RNF187: variants seen among roughly 807,000 people sequenced by gnomAD.
RNF187 encodes E3 ubiquitin-protein ligase RNF187.
In RNF187, 18 loss-of-function variants were observed where a neutral mutation model predicts 22.2. That is an observed-to-expected ratio of 0.81 (90% confidence interval 0.56 to 1.20). The LOEUF (loss-of-function observed/expected upper bound fraction) is 1.20. Ranked by LOEUF, RNF187 falls within the 50% of genes most tolerant of loss-of-function variation. RNF187 has a pLI of 0.00. For synonymous variants in RNF187, 164 were observed against 140.9 expected (o/e 1.16, Z -1.16); for missense variants, 329 against 317.6 (o/e 1.04, Z -0.27).
Position 228,493,662 on chromosome 1 carries a change from T to C in RNF187, c.706-221T>C. 6.6e-6 allele frequency among the ~76,000 whole-genome samples: 1 copy of C among 152,166 alleles called. No homozygotes were observed. The highest frequency in any genetic ancestry group is 6.5e-5 in the Admixed American group (1 of 15,286). ...GACCCTGCAGCAACCCAGATGGCCC[T>C]GAACGGTTCAGTTGCCCGTGCCAGC... On this transcript the variant is annotated intron_variant, in intron 3 of 3. Transcript: ENST00000305943. The surrounding 1 kb of genome is among the most constrained non-coding windows in gnomAD (Gnocchi z 4.7).
chr1:228,495,922 T>C lies in RNF187; in HGVS notation c.*2037T>C. Among the ~76,000 whole-genome samples the C allele has an allele frequency of 6.6e-6, 1 of 152,154 alleles. No individual in the cohort carries two copies. On this transcript the variant is annotated 3_prime_UTR_variant, in exon 4 of 4. Coordinates refer to ENST00000305943, the MANE Select transcript of RNF187 (RefSeq NM_001010858.3). ...GGGGATTGGTTCCAGGACCCCCTCA[T>C]GGATACCAAAATCTGCAGATACTCA... is the stretch of plus-strand genomic sequence containing the variant.
chr1:228,495,063 T>A lies in RNF187; in HGVS notation c.*1178T>A. ...AAGGAAACTTCCTCGTGACACGTGC[T>A]AAAGCATGGTGAGGAGGACTTTGAT... On this transcript the variant is annotated 3_prime_UTR_variant, in exon 4 of 4. Transcript: ENST00000305943. 3.1e-6 allele frequency: 3 copies of A among 979,788 alleles called. No homozygotes were observed. The highest frequency in any genetic ancestry group is 1.1e-4 in the East Asian group (1 of 8,752). 60.7% of individuals were successfully genotyped at this position (979,788 alleles called of 1,614,324 possible). A position where few individuals can be genotyped will look rare whatever the true frequency, so the allele number is the denominator to read the frequency against.
At position 228,494,311 on chromosome 1, in the gene RNF187, C is replaced by T; in HGVS notation, c.*426C>T. The T allele has an allele frequency of 9.2e-7, 1 of 1,089,230 alleles. No individual in the cohort carries two copies. The highest frequency in any genetic ancestry group is 1.1e-6 in the Non-Finnish European group (1 of 890,822). The allele number at this position is 1,089,230 out of a possible 1,614,324, so 67.5% of individuals were successfully genotyped here. On this transcript the variant is annotated 3_prime_UTR_variant, in exon 4 of 4. Transcript: ENST00000305943. ...CATTGAGTGTCGGATTTGGGGTTAG[C>T]ATCCAGAAAGAAGAATGCGCATGAC...
intron 2 of RNF187, among the ~76,000 whole-genome samples, chr1:228,490,122 C>CA: frequency 6.6e-5 from 10 of 152,230 alleles, no homozygotes; most frequent in Non-Finnish European, 1.3e-4. Context: ...ACCTGAAAGA[C>CA]AGAGTGCTTT....
In RNF187 at chr1:228,495,489, C is replaced by T; in HGVS notation, c.*1604C>T. The T allele has an allele frequency of 4.1e-6, 4 of 985,366 alleles. No homozygotes were observed. Among genetic ancestry groups the T allele is most frequent in the African/African-American group, 3.5e-5 (2 of 57,234 alleles). The allele number at this position is 985,366 out of a possible 1,614,324, so 61.0% of individuals were successfully genotyped here. On this transcript the variant is annotated 3_prime_UTR_variant, in exon 4 of 4. Transcript: ENST00000305943. ...AGAATCTTTGTCAGCACGCCAACAA[C>T]ATCCCGACCCTGAGACCTCCAGTTT...
chr1:228,493,119 G>C lies in RNF187; in HGVS notation c.550G>C (p.Glu184Gln). ...CAAGAAGCTGCGGGCCTTCTTTGTGGAGGAGGAGGAGCATTTCCTGCAGGA... is the reference window on the plus strand; with the variant it reads ...CAAGAAGCTGCGGGCCTTCTTTGTGCAGGAGGAGGAGCATTTCCTGCAGGA... The change falls in exon 3 of 4, where the codon GAG becomes CAG. Residue 184 changes from glutamate to glutamine, a missense_variant. Coordinates refer to ENST00000305943, the MANE Select transcript of RNF187 (RefSeq NM_001010858.3). The surrounding 1 kb of genome is among the most constrained non-coding windows in gnomAD (Gnocchi z 4.7). The C allele has an allele frequency of 1.3e-6, 2 of 1,551,690 alleles. No individual in the cohort carries two copies. Among genetic ancestry groups the C allele is most frequent in the Non-Finnish European group, 1.7e-6 (2 of 1,146,948 alleles).
chr1:228,492,276 C>T lies in RNF187; in HGVS notation c.484-777C>T. 2.3e-4 allele frequency among the ~76,000 whole-genome samples: 35 copies of T among 152,136 alleles called. No homozygotes were observed. In the South Asian group the frequency reaches 6.6e-3, roughly 29 times the overall value. On this transcript the variant is annotated intron_variant, in intron 2 of 3. Coordinates refer to ENST00000305943, the MANE Select transcript of RNF187 (RefSeq NM_001010858.3). ...TGTTGCCCAGGCTAGTCTCGAACTC[C>T]TGGGCTCAAGCAATCCTCCCACCTC...
At chr1:228,488,107 G>T in intron 1 of RNF187, 4 of 180,876 alleles carry the variant, frequency 2.2e-5, no homozygotes, top group Non-Finnish European at 3.3e-5. Flanking sequence ...GCGTCTCTTC[G>T]GAGTCTGGTC....
rs1558488042 is a variant in RNF187, at chr1:228,489,029, G to C, written c.460G>C (p.Glu154Gln). 2 of 1,549,366 alleles carry C rather than the reference G, an allele frequency of 1.3e-6. No individual in the cohort carries two copies. The highest frequency in any genetic ancestry group is 8.7e-7 in the Non-Finnish European group (1 of 1,146,940). Residue 154 changes from glutamate to glutamine, a missense_variant, in exon 2 of 4, where the codon GAG becomes CAG. Physicochemically the swap from Glu to Gln is conservative, Grantham distance 29. Transcript: ENST00000305943. ...CGCCCGGGACCTGCATGGCCAGGCA[G>C]AGTCAGCAGCTGCAGTGTGGAAGGC...
chr1:228,495,823 G>A lies in RNF187; in HGVS notation c.*1938G>A. 3 of 856,750 alleles carry A rather than the reference G, an allele frequency of 3.5e-6. No homozygotes were observed. Among genetic ancestry groups the A allele is most frequent in the Non-Finnish European group, 4.2e-6 (3 of 712,962 alleles). 53.1% of individuals were successfully genotyped at this position (856,750 alleles called of 1,614,324 possible). A position where few individuals can be genotyped will look rare whatever the true frequency, so the allele number is the denominator to read the frequency against. ...TGACAGATTAATGTATCCATCTCAT[G>A]TTTTTTTTGGTGGTGAGAATATTTG... On this transcript the variant is annotated 3_prime_UTR_variant, in exon 4 of 4. Transcript: ENST00000305943.
chr1:228,495,891 C>A lies in RNF187; in HGVS notation c.*2006C>A. 1 of 458,296 alleles carries A rather than the reference C, an allele frequency of 2.2e-6. No homozygotes were observed. Among genetic ancestry groups the A allele is most frequent in the Non-Finnish European group, 2.9e-6 (1 of 348,762 alleles). The allele number at this position is 458,296 out of a possible 1,614,324, so 28.4% of individuals were successfully genotyped here. The stretch of plus-strand genomic sequence containing the variant: ...TTTCAAATACAGTCATCCCTCTGTG[C>A]CTAAGGGGGATTGGTTCCAGGACCC... On this transcript the variant is annotated 3_prime_UTR_variant, in exon 4 of 4. Transcript: ENST00000305943.
intron 2 of RNF187, among the ~76,000 whole-genome samples, chr1:228,489,768 T>C: frequency 2.6e-5 from 1 of 37,794 alleles, no homozygotes; most frequent in East Asian, 0.016. Flanking sequence ...TGAGGGTGTC[T>C]CTGGGGCCTT....
chr1:228,495,193 T>A lies in RNF187; in HGVS notation c.*1308T>A. 1 of 295,876 alleles carries A rather than the reference T, an allele frequency of 3.4e-6. No individual in the cohort carries two copies. Among genetic ancestry groups the A allele is most frequent in the Non-Finnish European group, 5.0e-6 (1 of 199,562 alleles). The allele number at this position is 295,876 out of a possible 1,614,324, so 18.3% of individuals were successfully genotyped here. A position where few individuals can be genotyped will look rare whatever the true frequency, so the allele number is the denominator to read the frequency against. Reference sequence around the variant, plus strand: ...GGGGTTGGAGGAGCGAGGAGCAGTATAGGGTCCATGGGTGGGAATGACTGT... The same window carrying A: ...GGGGTTGGAGGAGCGAGGAGCAGTAAAGGGTCCATGGGTGGGAATGACTGT... On this transcript the variant is annotated 3_prime_UTR_variant, in exon 4 of 4. Transcript: ENST00000305943.
Position 228,488,944 on chromosome 1 carries a change from C to A in RNF187, c.391-16C>A. 1 of 1,549,494 alleles carries A rather than the reference C, an allele frequency of 6.5e-7. No homozygotes were observed. Among genetic ancestry groups the A allele is most frequent in the Non-Finnish European group, 8.7e-7 (1 of 1,145,456 alleles). On this transcript the variant is annotated splice_polypyrimidine_tract_variant and intron_variant, in intron 1 of 3. Transcript: ENST00000305943. ...AGAGCTTCTGCCCACCCCTGGTGACCTTCTTTTCTTTACAGGAGAACAAGG... is the reference window on the plus strand; with the variant it reads ...AGAGCTTCTGCCCACCCCTGGTGACATTCTTTTCTTTACAGGAGAACAAGG...
At position 228,487,611 on chromosome 1, in the gene RNF187, CGAG is replaced by C; in HGVS notation, c.129_131del (p.Glu43del). On this transcript the variant is annotated inframe_deletion, in exon 1 of 4. Coordinates refer to ENST00000305943, the MANE Select transcript of RNF187 (RefSeq NM_001010858.3). Reference sequence around the variant, plus strand: ...GGGCGTGCGTGGTGCGCTTCTGGGCCGAGGAGGACGGGCCCTTCCCGTGCCCCG... The same window carrying C: ...GGGCGTGCGTGGTGCGCTTCTGGGCCGAGGACGGGCCCTTCCCGTGCCCCG... 2 of 1,259,212 alleles carry C rather than the reference CGAG, an allele frequency of 1.6e-6. No homozygotes were observed. Among genetic ancestry groups the C allele is most frequent in the Non-Finnish European group, 2.0e-6 (2 of 987,834 alleles). The allele number at this position is 1,259,212 out of a possible 1,614,324, so 78.0% of individuals were successfully genotyped here. A position where few individuals can be genotyped will look rare whatever the true frequency, so the allele number is the denominator to read the frequency against.
rs1658858985 is a variant in RNF187 at position 228,487,448 on chromosome 1, CA to C, written c.-40del. 9.1e-7 allele frequency: 1 copy of C among 1,100,704 alleles called. No homozygotes were observed. Among genetic ancestry groups the C allele is most frequent in the Non-Finnish European group, 1.1e-6 (1 of 906,006 alleles). The allele number at this position is 1,100,704 out of a possible 1,614,324, so 68.2% of individuals were successfully genotyped here. ...GGCCGTCTAGGTCTCCGGCCCTCCC[CA>C]GCCGCTCCTGCGCCCTTGCCGGCCC... On this transcript the variant is annotated 5_prime_UTR_variant, in exon 1 of 4. Coordinates refer to ENST00000305943, the MANE Select transcript of RNF187 (RefSeq NM_001010858.3).
chr1:228,492,925 A>G, intron 2 of RNF187, 128 bp from the exon 3 acceptor site: 20 of 1,035,542 alleles, frequency 1.9e-5, no homozygotes, highest in East Asian at 1.8e-4. Flanking sequence ...GCCTGGCCTA[A>G]TAGTCGATGT....
chr1:228,495,832 G>A lies in RNF187; in HGVS notation c.*1947G>A. On this transcript the variant is annotated 3_prime_UTR_variant, in exon 4 of 4. Coordinates refer to ENST00000305943, the MANE Select transcript of RNF187 (RefSeq NM_001010858.3). ...AATGTATCCATCTCATGTTTTTTTTGGTGGTGAGAATATTTGAAATCTACA... is the reference window on the plus strand; with the variant it reads ...AATGTATCCATCTCATGTTTTTTTTAGTGGTGAGAATATTTGAAATCTACA... 1 of 821,590 alleles carries A rather than the reference G, an allele frequency of 1.2e-6. No homozygotes were observed. The highest frequency in any genetic ancestry group is 1.5e-6 in the Non-Finnish European group (1 of 682,750). 50.9% of individuals were successfully genotyped at this position (821,590 alleles called of 1,614,324 possible).
chr1:228,490,187 G>A, intron 2 of RNF187, among the ~76,000 whole-genome samples: 1 of 152,334 alleles, frequency 6.6e-6, no homozygotes, highest in South Asian at 2.1e-4. Flanking sequence ...TGAGGCCCAC[G>A]TTTTTACCCC....
Sources: allele counts gnomAD v4.1 joint callset (sites outside exome capture counted in the v4.1 genomes callset), GRCh38; gene constraint gnomAD v4.1.1; non-coding constraint Gnocchi (gnomAD v3.1); transcripts MANE v1.5; gene names NCBI Gene and HGNC (gene_info 2026-07-23, HGNC 2026-07-21).